MED13: variants seen among roughly 807,000 people sequenced by gnomAD.
MED13 encodes the protein mediator of RNA polymerase II transcription subunit 13.
MED13 carries 23 observed loss-of-function variants against 225.2 expected under a neutral mutation model. The observed-to-expected ratio is 0.10, with a 90% CI of 0.07 to 0.14. MED13 has a LOEUF of 0.14. Ranked by LOEUF, MED13 falls within the 10% of genes least tolerant of loss-of-function variation. The pLI is 1.00. For missense variants in MED13, 2,197 were observed against 2,594.5 expected, an observed-to-expected ratio of 0.85 and a Z score of 3.33; for synonymous variants, 942 against 889.2, an observed-to-expected ratio of 1.06 and a Z score of -1.06.
intron 9 of MED13, among the ~76,000 whole-genome samples, chr17:62,002,300 G>A (rs1031663764): frequency 4.6e-5 from 7 of 152,134 alleles, no homozygotes; most frequent in African/African-American, 1.7e-4. Context: ...GACCAGCCTG[G>A]CCAACATGGC....
intron 8 of MED13, among the ~76,000 whole-genome samples, chr17:62,017,753 C>T (rs1263497977): frequency 1.3e-5 from 2 of 152,152 alleles, no homozygotes; most frequent in Admixed American, 6.6e-5. Flanking sequence ...GAATGTCCTT[C>T]ATGAAGACAG....
chr17:61,984,927 C>T, intron 13 of MED13, 62 bp from the exon 14 acceptor site: 2 of 1,592,720 alleles, frequency 1.3e-6, no homozygotes, highest in Non-Finnish European at 1.7e-6. Context: ...GTGTTTAAAC[C>T]AAAAGGAGTG....
chr17:62,021,339 C>A (rs1176008602), intron 8 of MED13, among the ~76,000 whole-genome samples: 1 of 145,582 alleles, frequency 6.9e-6, no homozygotes, highest in Non-Finnish European at 1.5e-5. Flanking sequence ...ACCTCCCTCC[C>A]GGACAGGGTG....
At chr17:61,967,763 G>A (rs2080071710) in intron 18 of MED13, among the ~76,000 whole-genome samples, 2 of 152,050 alleles carry the variant, frequency 1.3e-5, no homozygotes, top group South Asian at 2.1e-4. Flanking sequence ...GTTACCCTTT[G>A]TTTTAGAAAA....
rs550147210 is a variant in MED13, at chr17:61,990,619, C to T, written c.2263+1921G>A. 2.3e-3 allele frequency among the ~76,000 whole-genome samples: 267 copies of T among 115,356 alleles called. 1 individual carries two copies. Among genetic ancestry groups the T allele is most frequent in the African/African-American group, 9.8e-3 (228 of 23,324 alleles). The allele number at this position is 115,356 out of a possible 152,430, so 75.7% of individuals were successfully genotyped here. On this transcript the variant is annotated intron_variant, in intron 11 of 29. Transcript: ENST00000397786. Reference sequence around the variant, plus strand: ...TATATATATACACACACACACTTGGCGCACTGTGTATATATATATATATAT... The same window carrying T: ...TATATATATACACACACACACTTGGTGCACTGTGTATATATATATATATAT...
chr17:62,012,265 C>T (rs2080517506), intron 8 of MED13, among the ~76,000 whole-genome samples: 1 of 151,240 alleles, frequency 6.6e-6, no homozygotes, highest in Admixed American at 6.6e-5. Flanking sequence ...TTTCAGTGCG[C>T]ACTGAGATTT....
intron 8 of MED13, chr17:62,029,280 T>C (rs904941649): frequency 2.1e-6 from 1 of 484,316 alleles, no homozygotes. Context: ...CATAGCTCCA[T>C]ATAAAATTGT....
rs1370738221 is a variant in MED13, at chr17:61,945,635, T to A, written c.*833A>T. Reference sequence around the variant, plus strand: ...TAACAATACCACTTGTATATTGCCATCATGTTATTCTGTAAAGATGTGATA... The same window carrying A: ...TAACAATACCACTTGTATATTGCCAACATGTTATTCTGTAAAGATGTGATA... On this transcript the variant is annotated 3_prime_UTR_variant, in exon 30 of 30. Transcript: ENST00000397786. 1 of 152,736 alleles carries A rather than the reference T, an allele frequency of 6.5e-6. No individual in the cohort carries two copies. The highest frequency in any genetic ancestry group is 1.9e-4 in the East Asian group (1 of 5,180). The allele number at this position is 152,736 out of a possible 1,614,324, so 9.5% of individuals were successfully genotyped here.
In MED13 at chr17:62,035,584, G is replaced by A. The variant is rs576429960; in HGVS notation, c.495C>T (p.Thr165=). The part of the protein sequence containing the change: ...NKSEHLSCSF[T]FFLHGDSNVC... ...CATTGCTGTCTCCATGCAAGAAAAA[G>A]GTGAAGGAGCAGGACAAGTGTTCAC... Residue 165 remains threonine (T), a synonymous_variant, in exon 4 of 30, where the codon ACC becomes ACT. Coordinates refer to ENST00000397786, the MANE Select transcript of MED13 (RefSeq NM_005121.3). 21 of 1,613,356 alleles carry A rather than the reference G, an allele frequency of 1.3e-5. No homozygotes were observed. In the Admixed American group the frequency reaches 1.7e-4, roughly 13 times the overall value.
intron 8 of MED13, among the ~76,000 whole-genome samples, chr17:62,020,388 T>C (rs922079593): frequency 1.3e-5 from 2 of 152,134 alleles, no homozygotes; most frequent in Non-Finnish European, 2.9e-5. Context: ...GCTTTTTATT[T>C]TTCTTTTTTT....
At chr17:62,041,568 CTG>C (rs1310854784) in intron 3 of MED13, among the ~76,000 whole-genome samples, 1 of 152,022 alleles carries the variant, frequency 6.6e-6, no homozygotes, top group African/African-American at 2.4e-5. Context: ...TAAAAAGAAA[CTG>C]TAGTCATCTT....
At chr17:62,000,499 G>C (rs1009268296) in intron 9 of MED13, among the ~76,000 whole-genome samples, 2 of 152,122 alleles carry the variant, frequency 1.3e-5, no homozygotes, top group African/African-American at 2.4e-5. Flanking sequence ...ACAAAAAGAT[G>C]AAAAGCCTAA....
At chr17:61,979,917 G>A (rs1043214590) in intron 16 of MED13, among the ~76,000 whole-genome samples, 8 of 152,016 alleles carry the variant, frequency 5.3e-5, no homozygotes, top group African/African-American at 1.4e-4. Context: ...GGCCAGGCAC[G>A]GTGGCTCACA....
chr17:61,947,087 T>G (rs1603389213), intron 28 of MED13, 70 bp from the exon 29 acceptor site: 1 of 1,015,324 alleles, frequency 9.8e-7, no homozygotes, highest in East Asian at 2.4e-5. Flanking sequence ...TTTACCTTAT[T>G]CTCCCAATAT....
chr17:62,023,303 T>C (rs1461903113), intron 8 of MED13, among the ~76,000 whole-genome samples: 8 of 152,098 alleles, frequency 5.3e-5, no homozygotes, highest in Non-Finnish European at 1.5e-5. Context: ...AAATTCACTA[T>C]AGAGAACCGG....
intron 1 of MED13, among the ~76,000 whole-genome samples, chr17:62,064,325 G>C (rs1297384970): frequency 2.6e-5 from 4 of 152,122 alleles, no homozygotes; most frequent in Non-Finnish European, 5.9e-5. Context: ...TACCAGACCT[G>C]GGCTAACCTA....
chr17:62,048,043 CATATATAT>C (rs397803988), intron 3 of MED13, among the ~76,000 whole-genome samples: 22 of 131,168 alleles, frequency 1.7e-4, no homozygotes, highest in South Asian at 2.3e-4. Context: ...TATACATATA[CATATATAT>C]ATATATATAT....
rs1180603287 is a variant in MED13, at chr17:62,011,028, G to C, written c.1489C>G (p.Leu497Val). 3.1e-6 allele frequency: 5 copies of C among 1,614,086 alleles called. No individual in the cohort carries two copies. Among genetic ancestry groups the C allele is most frequent in the Non-Finnish European group, 4.2e-6 (5 of 1,180,026 alleles). The change falls in exon 9 of 30, where the codon CTT becomes GTT. Residue 497 changes from leucine to valine, a missense_variant. Transcript: ENST00000397786. Reference protein sequence around the residue: ...GMDADSASQRLVISAPDSQVR... With the variant: ...GMDADSASQRVVISAPDSQVR... ...TGACTGTCTGGAGCAGAGATCACAAGTCTTTGGCTGGCTGAATCTGCGTCC... is the reference window on the plus strand; with the variant it reads ...TGACTGTCTGGAGCAGAGATCACAACTCTTTGGCTGGCTGAATCTGCGTCC...
intron 8 of MED13, among the ~76,000 whole-genome samples, chr17:62,027,677 A>G (rs531657962): frequency 6.6e-6 from 1 of 152,328 alleles, no homozygotes; most frequent in African/African-American, 2.4e-5. Flanking sequence ...TTTGCAAACT[A>G]TGCTGACAAA....
Sources: allele counts gnomAD v4.1 joint callset (sites outside exome capture counted in the v4.1 genomes callset), GRCh38; gene constraint gnomAD v4.1.1; transcripts MANE v1.5; gene names NCBI Gene and HGNC (gene_info 2026-07-23, HGNC 2026-07-21).